ADGRE3: variants seen among roughly 807,000 people sequenced by gnomAD.
ADGRE3 encodes the protein EGF-like module receptor 3.
Under a neutral mutation model 80.1 loss-of-function variants are expected in ADGRE3, and 88 were observed. That is an observed-to-expected ratio of 1.10 (90% confidence interval 0.93 to 1.31). The LOEUF is 1.31. ADGRE3 is among the 40% of genes most tolerant of loss of function. The pLI is 0.00. For synonymous variants in ADGRE3, 281 were observed against 294.8 expected, an observed-to-expected ratio of 0.95 and a Z score of 0.48; for missense variants, 715 against 776.5, an observed-to-expected ratio of 0.92 and a Z score of 0.94.
At chr19:14,628,968 G>C (rs1198453079) in intron 14 of ADGRE3, among the ~76,000 whole-genome samples, 2 of 152,018 alleles carry the variant, frequency 1.3e-5, no homozygotes, top group African/African-American at 4.8e-5. Flanking sequence ...TGTTGCCCAG[G>C]CTGGAGTGCA....
intron 11 of ADGRE3, among the ~76,000 whole-genome samples, chr19:14,635,049 G>T (rs1361606902): frequency 1.3e-5 from 2 of 151,980 alleles, no homozygotes; most frequent in East Asian, 3.9e-4. Flanking sequence ...GTGTCCTTTG[G>T]TTCAACTTTT....
intron 14 of ADGRE3, among the ~76,000 whole-genome samples, chr19:14,626,321 C>T (rs528350923): frequency 1.1e-4 from 16 of 151,998 alleles, no homozygotes; most frequent in Non-Finnish European, 2.1e-4. Context: ...ACTGTAATCC[C>T]AGCTACTCCA....
At chr19:14,656,867 A>G (rs904202947) in intron 5 of ADGRE3, among the ~76,000 whole-genome samples, 13 of 152,024 alleles carry the variant, frequency 8.6e-5, no homozygotes, top group Admixed American at 5.9e-4. Flanking sequence ...TGCCTAAGTA[A>G]TTTCTTCTTA....
In ADGRE3 at chr19:14,669,679, T is replaced by C. The variant is rs112990029; in HGVS notation, c.26-827A>G. 7.6e-3 allele frequency among the ~76,000 whole-genome samples: 1,151 copies of C among 151,916 alleles called. 14 individuals are homozygous for C. The highest frequency in any genetic ancestry group is 0.027 in the African/African-American group (1,115 of 41,420). On this transcript the variant is annotated intron_variant, in intron 1 of 15. Coordinates refer to ENST00000253673, the MANE Select transcript of ADGRE3 (RefSeq NM_032571.5). ...AATTTTTGTACTTTTAGTAGAGAGG[T>C]GGGTTTCACCATGTTGGCTAGGCTG...
At chr19:14,615,540 C>T (rs969794243), downstream of ADGRE3, among the ~76,000 whole-genome samples, 3 of 151,774 alleles carry the variant, frequency 2.0e-5, no homozygotes, top group Admixed American at 6.6e-5. Context: ...GCAGGTGGAT[C>T]GCTTGAGGCC....
At chr19:14,658,816 C>A (rs547743649) in intron 4 of ADGRE3, among the ~76,000 whole-genome samples, 24 of 150,848 alleles carry the variant, frequency 1.6e-4, no homozygotes, top group South Asian at 2.1e-4. Context: ...CTCACTGCAA[C>A]CTTCACCTCC....
the ADGRE3 span, among the ~76,000 whole-genome samples, chr19:14,605,603 TC>T: frequency 2.0e-5 from 3 of 152,164 alleles, no homozygotes; most frequent in Non-Finnish European, 2.9e-5. Context: ...AGTTAATCCC[TC>T]CCTGCCCCCT....
chr19:14,613,835 G>A, the ADGRE3 span, among the ~76,000 whole-genome samples: 5 of 151,890 alleles, frequency 3.3e-5, no homozygotes, highest in African/African-American at 7.3e-5. Flanking sequence ...ACAGGTGTGC[G>A]CCACCACATC....
intron 2 of ADGRE3, among the ~76,000 whole-genome samples, chr19:14,665,903 A>G (rs1476152208): frequency 1.6e-5 from 2 of 121,270 alleles, no homozygotes; most frequent in Non-Finnish European, 3.5e-5. Context: ...TTATATATTT[A>G]TACACATATA....
At chr19:14,606,888 G>C in the ADGRE3 span, 3 of 409,902 alleles carry the variant, frequency 7.3e-6, no homozygotes, top group Non-Finnish European at 8.2e-6. Context: ...GGTTGTGGGA[G>C]GTGACGTTCC....
intron 15 of ADGRE3, among the ~76,000 whole-genome samples, chr19:14,620,548 TTATA>T (rs1555753132): frequency 8.0e-5 from 2 of 24,976 alleles, no homozygotes; most frequent in South Asian, 3.3e-3. Flanking sequence ...TATATATATA[TTATA>T]TATATATATA....
rs138337024 is a variant in ADGRE3 at position 14,661,871 on chromosome 19, C to T, written c.355+92G>A. 212 of 1,380,712 alleles carry T rather than the reference C, an allele frequency of 1.5e-4. No individual in the cohort carries two copies. The African/African-American group carries it at 2.2e-3, about 14-fold the overall frequency. 85.5% of individuals were successfully genotyped at this position (1,380,712 alleles called of 1,614,324 possible). ...CTGCACTCCAGCCTGGGCTACAGAG[C>T]GAGACTCTGTCTCAAAACAAAACAA... On this transcript the variant is annotated intron_variant, in intron 4 of 15. Transcript: ENST00000253673.
chr19:14,631,135 G>T (rs180911815), intron 13 of ADGRE3, among the ~76,000 whole-genome samples: 2 of 152,060 alleles, frequency 1.3e-5, no homozygotes, highest in African/African-American at 4.8e-5. Context: ...GCCTCCCAAA[G>T]TGTTGGGATT....
At chr19:14,614,974 C>G (rs527993998), downstream of ADGRE3, among the ~76,000 whole-genome samples, 1 of 151,678 alleles carries the variant, frequency 6.6e-6, no homozygotes, top group Non-Finnish European at 1.5e-5. Flanking sequence ...TGGCCTCAAC[C>G]TCCTGGGCTC....
intron 14 of ADGRE3, among the ~76,000 whole-genome samples, chr19:14,627,573 T>C (rs1970767830): frequency 6.6e-6 from 1 of 151,880 alleles, no homozygotes; most frequent in African/African-American, 2.4e-5. Context: ...GAGACGGGCT[T>C]TCACCATGTT....
chr19:14,649,284 A>C (rs1172772324), intron 7 of ADGRE3, among the ~76,000 whole-genome samples: 7 of 105,958 alleles, frequency 6.6e-5, no homozygotes, highest in African/African-American at 1.9e-4. Context: ...CCATCTCTCC[A>C]TCTCGCTTTT....
At chr19:14,620,425 T>C (rs189162462) in intron 15 of ADGRE3, among the ~76,000 whole-genome samples, 34 of 145,796 alleles carry the variant, frequency 2.3e-4, no homozygotes, top group East Asian at 9.8e-4. Flanking sequence ...TTCATGTATA[T>C]ATGAATATAT....
At chr19:14,664,267 A>G (rs112486027) in intron 2 of ADGRE3, among the ~76,000 whole-genome samples, 7,559 of 152,128 alleles carry the variant, frequency 0.05, 214 homozygotes, top group East Asian at 0.1. Flanking sequence ...GTGAAACCCC[A>G]TCTCTACTGA....
intron 12 of ADGRE3, 68 bp downstream of exon 12, chr19:14,633,168 G>A (rs1191904527): frequency 7.0e-7 from 1 of 1,426,898 alleles, no homozygotes; most frequent in Non-Finnish European, 9.8e-7. Context: ...CAAGCCCCTT[G>A]TACCATCTTG....
Sources: gnomAD v4.1 joint callset for allele counts (sites outside exome capture counted in the v4.1 genomes callset) on GRCh38, gnomAD v4.1.1 for gene constraint, MANE v1.5 for transcripts, NCBI Gene and HGNC (gene_info 2026-07-23, HGNC 2026-07-21) for gene names.